The following RIPOR1 variants were observed in gnomAD, a reference collection of about 807,000 sequenced individuals.
RIPOR1 encodes rho family-interacting cell polarization regulator 1.
Under a neutral mutation model 116.5 loss-of-function variants are expected in RIPOR1, and 58 were observed. The observed-to-expected ratio is 0.50, with a 90% CI of 0.40 to 0.62. The LOEUF is 0.62. Among genes scored for constraint, RIPOR1 ranks in the 20% least tolerant of loss-of-function variants. The probability of loss-of-function intolerance (pLI) is 0.00; values close to 1 mark genes in which losing one functional copy is unlikely to be tolerated. For missense variants in RIPOR1, 1,372 were observed against 1,586.2 expected, an observed-to-expected ratio of 0.86 and a Z score of 2.29; for synonymous variants, 605 against 650.0, an observed-to-expected ratio of 0.93 and a Z score of 1.05.
Position 67,529,642 on chromosome 16 carries a change from G to T in RIPOR1, c.-24+728G>T, listed in dbSNP as rs1244289103. On this transcript the variant is annotated intron_variant, in intron 1 of 21. Transcript: ENST00000042381. This position sits in a 1 kb window ranked among gnomAD's most constrained non-coding sequence, Gnocchi z 4.1. ...CCCTTTGTCCTCCTCTCCAGGGTGA[G>T]CCCTGAGTCCGGCCTCCCCTACAGA... 8.9e-6 allele frequency: 8 copies of T among 895,210 alleles called. No homozygotes were observed. Among genetic ancestry groups the T allele is most frequent in the Non-Finnish European group, 1.2e-5 (7 of 594,680 alleles). 55.5% of individuals were successfully genotyped at this position (895,210 alleles called of 1,614,324 possible). A position where few individuals can be genotyped will look rare whatever the true frequency, so the allele number is the denominator to read the frequency against.
Position 67,545,252 on chromosome 16 carries a change from A to C in RIPOR1, c.3032-124A>C. 6.6e-7 allele frequency: 1 copy of C among 1,514,648 alleles called. No individual in the cohort carries two copies. The highest frequency in any genetic ancestry group is 9.0e-7 in the Non-Finnish European group (1 of 1,116,304). The allele number at this position is 1,514,648 out of a possible 1,614,324, so 93.8% of individuals were successfully genotyped here. On this transcript the variant is annotated intron_variant, in intron 17 of 21. Coordinates refer to ENST00000042381, the MANE Select transcript of RIPOR1 (RefSeq NM_024519.4). This position sits in a 1 kb window ranked among gnomAD's most constrained non-coding sequence, Gnocchi z 4.8. Reference sequence around the variant, plus strand: ...AGCAAAGACTTGGGCCTTAGAGCAGAAGGACCCAGATGGGTGGGGTTTGAA... The same window carrying C: ...AGCAAAGACTTGGGCCTTAGAGCAGCAGGACCCAGATGGGTGGGGTTTGAA...
At position 67,542,097 on chromosome 16, in the gene RIPOR1, GGCAAATGGGCAT is replaced by G; in HGVS notation, c.1315_1326del (p.Asn439_Ala442del). 1 of 1,608,802 alleles carries G rather than the reference GGCAAATGGGCAT, an allele frequency of 6.2e-7. No individual in the cohort carries two copies. Among genetic ancestry groups the G allele is most frequent in the Non-Finnish European group, 8.5e-7 (1 of 1,175,862 alleles). On this transcript the variant is annotated inframe_deletion, in exon 13 of 22. Coordinates refer to ENST00000042381, the MANE Select transcript of RIPOR1 (RefSeq NM_024519.4). The surrounding 1 kb of genome is among the most constrained non-coding windows in gnomAD (Gnocchi z 4.6). ...AGGAGGGGGCCGTGGCCCCAGTCCT[GGCAAATGGGCAT>G]GCACCCTACAGTCGGACTCTGAGCC...
Position 67,519,564 on chromosome 16 carries a change from GGGGA to G in RIPOR1, c.-24+952_-24+955del, listed in dbSNP as rs2050476131. On this transcript the variant is annotated intron_variant, in intron 1 of 1. Transcript: ENST00000562116. ...GGCAGGAAAGTGGGCATAGGGAAGAGGGGACTCACTTGGTGGCTGGAGGGTGTCA... is the reference window on the plus strand; with the variant it reads ...GGCAGGAAAGTGGGCATAGGGAAGAGCTCACTTGGTGGCTGGAGGGTGTCA... 2.6e-5 allele frequency among the ~76,000 whole-genome samples: 4 copies of G among 152,296 alleles called. No homozygotes were observed. In the South Asian group the frequency reaches 8.3e-4, roughly 32 times the overall value.
chr16:67,528,264 A>T (rs1267037127), upstream of RIPOR1: 2 of 152,192 alleles, frequency 1.3e-5, no homozygotes, highest in African/African-American at 4.8e-5. Context: ...CTGCCCGAAA[A>T]CCAGTACCCA....
chr16:67,536,754 CTCTCT>C (rs2050804631), intron 1 of RIPOR1, among the ~76,000 whole-genome samples: 1 of 152,126 alleles, frequency 6.6e-6, no homozygotes, highest in African/African-American at 2.4e-5. Context: ...CACTTTCAGC[CTCTCT>C]TCTCAGCCTC....
Position 67,545,281 on chromosome 16 carries a change from G to A in RIPOR1, c.3032-95G>A, listed in dbSNP as rs1372518364. The A allele has an allele frequency of 2.6e-5, 40 of 1,541,106 alleles. No homozygotes were observed. The highest frequency in any genetic ancestry group is 3.7e-5 in the Admixed American group (2 of 54,072). On this transcript the variant is annotated intron_variant, in intron 17 of 21. Transcript: ENST00000042381. The surrounding 1 kb of genome is among the most constrained non-coding windows in gnomAD (Gnocchi z 4.8). ...ACCCAGATGGGTGGGGTTTGAACAGGGGGCCCCTGGACCTGAGCCTGGGAT... is the reference window on the plus strand; with the variant it reads ...ACCCAGATGGGTGGGGTTTGAACAGAGGGCCCCTGGACCTGAGCCTGGGAT...
rs2050649091 is a variant in RIPOR1, at chr16:67,531,075, G to A, written c.-24+2161G>A. Among the ~76,000 whole-genome samples, 1 of 152,138 alleles carries A rather than the reference G, an allele frequency of 6.6e-6. No homozygotes were observed. The highest frequency in any genetic ancestry group is 2.1e-4 in the South Asian group (1 of 4,832). On this transcript the variant is annotated intron_variant, in intron 1 of 21. Coordinates refer to ENST00000042381, the MANE Select transcript of RIPOR1 (RefSeq NM_024519.4). This position sits in a 1 kb window ranked among gnomAD's most constrained non-coding sequence, Gnocchi z 4.2. ...GGCAGCAGAGGGCCAACCAGAGAGA[G>A]AAAAGTGATGGAACAGTCAGCGGTT... is the stretch of plus-strand genomic sequence containing the variant.
Position 67,530,196 on chromosome 16 carries a change from G to A in RIPOR1, c.-24+1282G>A, listed in dbSNP as rs1023901855. ...GGCGGGGAGGGCGCGGGTGAGTCAC[G>A]GCGGCCCCTCTGCGTCGCCGCTCGG... is the stretch of plus-strand genomic sequence containing the variant. On this transcript the variant is annotated intron_variant, in intron 1 of 21. Coordinates refer to ENST00000042381, the MANE Select transcript of RIPOR1 (RefSeq NM_024519.4). The surrounding 1 kb of genome is among the most constrained non-coding windows in gnomAD (Gnocchi z 4.5). 1 of 312,094 alleles carries A rather than the reference G, an allele frequency of 3.2e-6. No individual in the cohort carries two copies. The highest frequency in any genetic ancestry group is 6.0e-6 in the Non-Finnish European group (1 of 166,640). 19.3% of individuals were successfully genotyped at this position (312,094 alleles called of 1,614,324 possible).
In RIPOR1 at chr16:67,544,240, C is replaced by A. The variant is rs79437914; in HGVS notation, c.2601-59C>A. 0.039 allele frequency: 60,168 copies of A among 1,541,380 alleles called. 1,360 individuals are homozygous for A. Among genetic ancestry groups the A allele is most frequent in the Middle Eastern group, 0.091 (488 of 5,348 alleles). ...ATGGGGGAAGCTTAATAAAAATAAA[C>A]GCTGGTGACCAGGTGGTGATGTGTG... On this transcript the variant is annotated intron_variant, in intron 14 of 21. Coordinates refer to ENST00000042381, the MANE Select transcript of RIPOR1 (RefSeq NM_024519.4). This position sits in a 1 kb window ranked among gnomAD's most constrained non-coding sequence, Gnocchi z 5.1.
chr16:67,546,105 C>T, intron 20 of RIPOR1, 36 bp from the exon 21 acceptor site: 1 of 1,591,606 alleles, frequency 6.3e-7, no homozygotes, highest in East Asian at 2.3e-5. Flanking sequence ...CCCATCTGCT[C>T]CCCTGAGCCC....
intron 1 of RIPOR1, among the ~76,000 whole-genome samples, chr16:67,534,790 A>C (rs2050749381): frequency 7.7e-6 from 1 of 130,068 alleles, no homozygotes; most frequent in South Asian, 2.4e-4. Flanking sequence ...TAATTCCATT[A>C]TTCATTGACA....
chr16:67,522,364 G>A (rs2050502580), intron 1 of RIPOR1, among the ~76,000 whole-genome samples: 1 of 151,868 alleles, frequency 6.6e-6, no homozygotes, highest in African/African-American at 2.4e-5. Context: ...CACCATGCCT[G>A]GCTTATTTTG....
chr16:67,543,063 A>G lies in RIPOR1; in HGVS notation c.2277A>G (p.Pro759=), dbSNP rs2051044509. Residue 759 remains proline (P), a synonymous_variant, in exon 13 of 22, where the codon CCA becomes CCG. Transcript: ENST00000042381. This position sits in a 1 kb window ranked among gnomAD's most constrained non-coding sequence, Gnocchi z 4.7. ...VQSLSPTPSP[P]TPAPQHSDLC... ...GTCTAAGCCCCACTCCCTCACCCCC[A>G]ACCCCTGCACCCCAGCATTCAGACC... is the stretch of plus-strand genomic sequence containing the variant. The G allele has an allele frequency of 6.6e-7, 1 of 1,524,254 alleles. No individual in the cohort carries two copies. The allele number at this position is 1,524,254 out of a possible 1,614,324, so 94.4% of individuals were successfully genotyped here.
chr16:67,539,543 G>C (rs911234183), intron 4 of RIPOR1, 185 bp from the exon 5 acceptor site: 1 of 749,930 alleles, frequency 1.3e-6, no homozygotes, highest in Non-Finnish European at 2.4e-6. Context: ...GGGCTGAAGG[G>C]ACCAGATCTG....
Position 67,528,887 on chromosome 16 carries a change from C to T in RIPOR1, c.-51C>T. On this transcript the variant is annotated 5_prime_UTR_variant, in exon 1 of 22. Coordinates refer to ENST00000042381, the MANE Select transcript of RIPOR1 (RefSeq NM_024519.4). ...GGCACCTCCGAGCGCAAGGACAGCG[C>T]GAGGTCCGCGCAGCCCAGCGCAGCC... is the stretch of plus-strand genomic sequence containing the variant. 1 of 184,478 alleles carries T rather than the reference C, an allele frequency of 5.4e-6. No individual in the cohort carries two copies. The highest frequency in any genetic ancestry group is 1.2e-5 in the Non-Finnish European group (1 of 85,580). 11.4% of individuals were successfully genotyped at this position (184,478 alleles called of 1,614,324 possible). A position where few individuals can be genotyped will look rare whatever the true frequency, so the allele number is the denominator to read the frequency against.
chr16:67,539,649 G>A (rs369889706), intron 4 of RIPOR1, 79 bp from the exon 5 acceptor site: 1 of 1,527,332 alleles, frequency 6.5e-7, no homozygotes, highest in Non-Finnish European at 9.1e-7. Flanking sequence ...AGAAAGGGGA[G>A]CTGTGACGAG....
At chr16:67,522,060 G>A (rs545008999) in intron 1 of RIPOR1, among the ~76,000 whole-genome samples, 15 of 151,922 alleles carry the variant, frequency 9.9e-5, no homozygotes, top group African/African-American at 3.1e-4. Flanking sequence ...ACAGAGTCTC[G>A]CTCTGTCGCC....
At position 67,541,558 on chromosome 16, in the gene RIPOR1, C is replaced by A. The variant is rs749001731; in HGVS notation, c.930C>A (p.Leu310=). The A allele has an allele frequency of 6.2e-7, 1 of 1,614,098 alleles. No individual in the cohort carries two copies. Among genetic ancestry groups the A allele is most frequent in the Non-Finnish European group, 8.5e-7 (1 of 1,179,990 alleles). ...VDINDLGTIK[L]SLEVTWSPFD... ...TCAATGACCTTGGTACCATCAAGCT[C>A]AGCCTGGAAGTCACATGGAGGTTGG... is the stretch of plus-strand genomic sequence containing the variant. Residue 310 remains leucine, a synonymous_variant, in exon 11 of 22, where the codon CTC becomes CTA. Coordinates refer to ENST00000042381, the MANE Select transcript of RIPOR1 (RefSeq NM_024519.4). The surrounding 1 kb of genome is among the most constrained non-coding windows in gnomAD (Gnocchi z 4.6).
chr16:67,535,953 C>T (rs573811352), intron 1 of RIPOR1, among the ~76,000 whole-genome samples: 16 of 151,946 alleles, frequency 1.1e-4, no homozygotes, highest in African/African-American at 3.1e-4. Flanking sequence ...CTGAATCTGT[C>T]GGGGGGAGGG....
Sources: gnomAD v4.1 joint callset for allele counts (sites outside exome capture counted in the v4.1 genomes callset) on GRCh38, gnomAD v4.1.1 for gene constraint, Gnocchi (gnomAD v3.1) non-coding constraint, MANE v1.5 for transcripts, NCBI Gene and HGNC (gene_info 2026-07-23, HGNC 2026-07-21) for gene names.